The following CNTNAP2 variants were observed in gnomAD, a reference collection of about 807,000 sequenced individuals.
CNTNAP2 encodes the protein contactin-associated protein-like 2.
A neutral mutation model predicts 155.2 loss-of-function variants in CNTNAP2; 98 were observed. The ratio of observed to expected loss-of-function variants is 0.63; its 90% CI spans 0.54 to 0.75. The LOEUF (loss-of-function observed/expected upper bound fraction) is 0.75. Among genes scored for constraint, CNTNAP2 ranks in the 30% least tolerant of loss-of-function variants. The pLI, the probability that CNTNAP2 is intolerant of heterozygous loss-of-function variation, is 0.00. For missense variants in CNTNAP2, 1,727 were observed against 1,688.1 expected (o/e 1.02, Z -0.40); for synonymous variants, 651 against 631.2 (o/e 1.03, Z -0.47).
chr7:147,627,837 T>C (rs371840696), intron 12 of CNTNAP2, among the ~76,000 whole-genome samples: 1 of 151,136 alleles, frequency 6.6e-6, no homozygotes, highest in African/African-American at 2.4e-5. Flanking sequence ...AAAAGTGTAG[T>C]GTGGGAAGTT....
chr7:148,107,397 C>G (rs970584513), intron 15 of CNTNAP2, among the ~76,000 whole-genome samples: 2 of 152,144 alleles, frequency 1.3e-5, no homozygotes, highest in Admixed American at 6.6e-5. Context: ...TGACTCCTCC[C>G]GCAAACTTGT....
At chr7:147,119,413 T>C (rs1801055942) in intron 5 of CNTNAP2, among the ~76,000 whole-genome samples, 1 of 152,196 alleles carries the variant, frequency 6.6e-6, no homozygotes, top group Non-Finnish European at 1.5e-5. Flanking sequence ...CACTCAAATA[T>C]CTACTGCCAT....
intron 4 of CNTNAP2, among the ~76,000 whole-genome samples, chr7:147,077,753 A>C (rs1394416936): frequency 6.6e-6 from 1 of 152,140 alleles, no homozygotes; most frequent in Non-Finnish European, 1.5e-5. Context: ...TACCTATAAA[A>C]TGAGAATAAT....
intron 9 of CNTNAP2, among the ~76,000 whole-genome samples, chr7:147,342,557 A>C (rs778582671): frequency 6.6e-6 from 1 of 152,180 alleles, no homozygotes; most frequent in Non-Finnish European, 1.5e-5. Context: ...AAGATTCTAT[A>C]CTTATATGTG....
At chr7:147,023,113 G>A (rs1798844075) in intron 3 of CNTNAP2, among the ~76,000 whole-genome samples, 1 of 152,126 alleles carries the variant, frequency 6.6e-6, no homozygotes, top group Admixed American at 6.6e-5. Flanking sequence ...GAAGCTTTTA[G>A]AACCTTATCG....
At chr7:147,132,572 T>TGCATAG (rs1300311848) in intron 8 of CNTNAP2, 63 bp downstream of exon 8, 22 of 1,605,296 alleles carry the variant, frequency 1.4e-5, no homozygotes, top group Non-Finnish European at 1.9e-5. Context: ...GTTAATGTTG[T>TGCATAG]GCTTTGTTTG....
chr7:146,957,002 T>C (rs766847795), intron 3 of CNTNAP2, among the ~76,000 whole-genome samples: 1 of 152,178 alleles, frequency 6.6e-6, no homozygotes, highest in Non-Finnish European at 1.5e-5. Flanking sequence ...TTTCTCATCA[T>C]GTGAGCATCA....
chr7:147,362,196 G>A (rs1309791701), intron 9 of CNTNAP2, among the ~76,000 whole-genome samples: 1 of 152,248 alleles, frequency 6.6e-6, no homozygotes, highest in East Asian at 1.9e-4. Flanking sequence ...GCAGTGGTGC[G>A]ATCACAGCTC....
At chr7:147,027,004 G>GAAAAAAAAAAAAAAAAAAAAAAAA (rs57810224) in intron 3 of CNTNAP2, among the ~76,000 whole-genome samples, 27 of 67,346 alleles carry the variant, frequency 4.0e-4, no homozygotes, top group East Asian at 5.6e-4. Flanking sequence ...AAACAGAACA[G>GAAAAAAAAAAAAAAAAAAAAAAAA]AAAAAAAAAA....
At chr7:147,917,184 C>CTT (rs1800176030) in intron 14 of CNTNAP2, among the ~76,000 whole-genome samples, 1 of 152,204 alleles carries the variant, frequency 6.6e-6, no homozygotes, top group African/African-American at 2.4e-5. Flanking sequence ...AAAACTTAAA[C>CTT]TATTACTTAT....
intron 3 of CNTNAP2, among the ~76,000 whole-genome samples, chr7:146,985,038 C>T (rs539224388): frequency 2.0e-5 from 3 of 152,220 alleles, no homozygotes; most frequent in African/African-American, 7.2e-5. Flanking sequence ...AACACACTAT[C>T]CTAGGCAAAA....
At chr7:148,040,711 G>A (rs1021509970) in intron 15 of CNTNAP2, among the ~76,000 whole-genome samples, 8 of 152,090 alleles carry the variant, frequency 5.3e-5, no homozygotes, top group South Asian at 2.1e-4. Flanking sequence ...TTTTGCCTTC[G>A]TGCAAGGAAC....
At chr7:147,487,942 T>A (rs1484915574) in intron 11 of CNTNAP2, among the ~76,000 whole-genome samples, 4 of 152,236 alleles carry the variant, frequency 2.6e-5, no homozygotes, top group African/African-American at 9.6e-5. Context: ...AATAAAAGCC[T>A]GATCTTTTGT....
At chr7:146,465,401 T>C (rs907677111) in intron 1 of CNTNAP2, among the ~76,000 whole-genome samples, 3 of 152,176 alleles carry the variant, frequency 2.0e-5, no homozygotes, top group Non-Finnish European at 1.5e-5. Flanking sequence ...CCTACCCAGC[T>C]GTGGGTCTTG....
intron 15 of CNTNAP2, among the ~76,000 whole-genome samples, chr7:148,010,424 ATAT>A (rs1274527841): frequency 1.4e-4 from 22 of 151,972 alleles, no homozygotes; most frequent in Non-Finnish European, 2.8e-4. Flanking sequence ...TGTCATAAAA[ATAT>A]TATCTTTTGT....
intron 3 of CNTNAP2, among the ~76,000 whole-genome samples, chr7:147,021,836 G>T (rs1798822898): frequency 6.6e-6 from 1 of 151,776 alleles, no homozygotes; most frequent in Non-Finnish European, 1.5e-5. Context: ...TTTCTTATTT[G>T]CATTCATCAA....
intron 13 of CNTNAP2, among the ~76,000 whole-genome samples, chr7:147,666,133 T>C (rs1795690183): frequency 6.6e-6 from 1 of 152,154 alleles, no homozygotes; most frequent in Non-Finnish European, 1.5e-5. Flanking sequence ...ATATTACCTT[T>C]AGCAAAACAA....
chr7:147,554,612 T>G (rs991965683), intron 11 of CNTNAP2, among the ~76,000 whole-genome samples: 1 of 152,114 alleles, frequency 6.6e-6, no homozygotes, highest in African/African-American at 2.4e-5. Context: ...AAATCCTAAT[T>G]TCCTCCCTCC....
Position 148,088,609 on chromosome 7 carries a change from A to T in CNTNAP2, c.2384-29509A>T, listed in dbSNP as rs1803781371. ...AGTCTCATAGAACCCACCAAAACTG[A>T]ATCATGATGAAACAGAAAATCTAAA... On this transcript the variant is annotated intron_variant, in intron 15 of 23. Coordinates refer to ENST00000361727, the MANE Select transcript of CNTNAP2 (RefSeq NM_014141.6). 5.3e-5 allele frequency among the ~76,000 whole-genome samples: 8 copies of T among 151,862 alleles called. 1 individual carries two copies. The highest frequency in any genetic ancestry group is 5.2e-4 in the Admixed American group (8 of 15,244).
Sources: allele counts gnomAD v4.1 joint callset (sites outside exome capture counted in the v4.1 genomes callset), GRCh38; gene constraint gnomAD v4.1.1; transcripts MANE v1.5; gene names NCBI Gene and HGNC (gene_info 2026-07-23, HGNC 2026-07-21).